Variants in STK36 observed in about 807,000 individuals in gnomAD.
STK36 encodes the protein serine/threonine kinase 36, also known as serine/threonine-protein kinase 36.
A neutral mutation model predicts 142.2 loss-of-function variants in STK36; 116 were observed. The observed-to-expected ratio is 0.82, with a 90% CI of 0.70 to 0.95. The LOEUF is 0.95. Among genes scored for constraint, STK36 ranks in the 40% least tolerant of loss-of-function variants. The pLI is 0.00. For synonymous variants in STK36, 619 were observed against 641.7 expected (o/e 0.96, Z 0.53); for missense variants, 1,422 against 1,617.2 (o/e 0.88, Z 2.07).
At chr2:218,672,342 G>A (rs966426587) in intron 1 of STK36, 127 bp downstream of exon 1, 1 of 343,076 alleles carries the variant, frequency 2.9e-6, no homozygotes, top group Admixed American at 4.4e-5. Context: ...TTGGCCTGAG[G>A]AGCTTGGAGC....
In STK36 at chr2:218,672,922, C is replaced by T. The variant is rs1940054569; in HGVS notation, c.84+9C>T. On this transcript the variant is annotated intron_variant, in intron 2 of 26. Transcript: ENST00000295709. ...GAAAATACAGTGCTCAGGTGTTGCACAAAGAGGGATACCTTTTGGGTGGGA... is the reference window on the plus strand; with the variant it reads ...GAAAATACAGTGCTCAGGTGTTGCATAAAGAGGGATACCTTTTGGGTGGGA... 6.2e-7 allele frequency: 1 copy of T among 1,613,528 alleles called. No homozygotes were observed. Among genetic ancestry groups the T allele is most frequent in the African/African-American group, 1.3e-5 (1 of 74,904 alleles).
At position 218,697,472 on chromosome 2, in the gene STK36, C is replaced by A. The variant is rs751233399; in HGVS notation, c.2771C>A (p.Ala924Asp). 6.2e-7 allele frequency: 1 copy of A among 1,614,056 alleles called. No individual in the cohort carries two copies. Among genetic ancestry groups the A allele is most frequent in the South Asian group, 1.1e-5 (1 of 91,050 alleles). ...TTTTTGGTGTTACCAGGCATGGCAGCCCTGCTGAGCCTGGCCATGGCCACC... is the reference window on the plus strand; with the variant it reads ...TTTTTGGTGTTACCAGGCATGGCAGACCTGCTGAGCCTGGCCATGGCCACC... ...WTLISPQGMA[A>D]LLSLAMATFT... Residue 924 changes from alanine (A) to aspartate (D), a missense_variant, in exon 24 of 27, where the codon GCC becomes GAC. Physicochemically the swap from Ala to Asp is moderately radical, Grantham distance 126. Around this residue, in one of 2 missense-constraint regions of STK36, gnomAD observed 962 missense variants for 1,167.5 expected, o/e 0.82. Coordinates refer to ENST00000295709, the MANE Select transcript of STK36 (RefSeq NM_015690.5).
At chr2:218,692,738 C>T in intron 16 of STK36, 28 bp downstream of exon 16, 1 of 1,598,498 alleles carries the variant, frequency 6.3e-7, no homozygotes, top group South Asian at 1.1e-5. Flanking sequence ...TTGTTCCTCT[C>T]ATCCTACTGC....
At chr2:218,693,204 G>T (rs1489697047) in intron 16 of STK36, 36 bp from the exon 17 acceptor site, 17 of 1,569,768 alleles carry the variant, frequency 1.1e-5, no homozygotes, top group Non-Finnish European at 1.4e-5. Context: ...TTGTAATCAT[G>T]TGGATAGGAT....
intron 2 of STK36, 180 bp downstream of exon 2, chr2:218,673,093 C>T (rs959405587): frequency 2.2e-5 from 12 of 546,866 alleles, no homozygotes; most frequent in Admixed American, 2.0e-4. Context: ...CCATCTCCAC[C>T]GCTTTCTAGC....
rs1941107846 is a variant in STK36 at position 218,693,780 on chromosome 2, C to T, written c.2206C>T (p.Pro736Ser). 23 of 1,614,096 alleles carry T rather than the reference C, an allele frequency of 1.4e-5. No individual in the cohort carries two copies. Among genetic ancestry groups the T allele is most frequent in the Non-Finnish European group, 1.9e-5 (23 of 1,180,042 alleles). Residue 736 changes from proline (P) to serine (S), a missense_variant, in exon 18 of 27, where the codon CCC becomes TCC. Around this residue, in one of 2 missense-constraint regions of STK36, gnomAD observed 962 missense variants for 1,167.5 expected, o/e 0.82. Coordinates refer to ENST00000295709, the MANE Select transcript of STK36 (RefSeq NM_015690.5). The stretch of plus-strand genomic sequence containing the variant: ...CCTGTGCCGTCTTCTGGGGCAGGAG[C>T]CCCTGGCCTTGGAATCCCTGTTTAT... The part of the protein sequence containing the change: ...EGLCRLLGQE[P>S]LALESLFMLI...
chr2:218,672,102 C>T lies in STK36; in HGVS notation c.-203C>T, dbSNP rs934415717. The stretch of plus-strand genomic sequence containing the variant: ...CGGGTCCTTAGCCGGGCCTGATGGC[C>T]CTGAGGCAGTTCGGATGTGTCCCAG... On this transcript the variant is annotated 5_prime_UTR_variant, in exon 1 of 27. Coordinates refer to ENST00000295709, the MANE Select transcript of STK36 (RefSeq NM_015690.5). The T allele has an allele frequency of 9.0e-7, 1 of 1,109,064 alleles. No homozygotes were observed. The highest frequency in any genetic ancestry group is 1.3e-6 in the Non-Finnish European group (1 of 749,384). 68.7% of individuals were successfully genotyped at this position (1,109,064 alleles called of 1,614,324 possible). A position where few individuals can be genotyped will look rare whatever the true frequency, so the allele number is the denominator to read the frequency against.
chr2:218,679,512 G>C (rs1397520325), intron 7 of STK36, 48 bp from the exon 8 acceptor site: 1 of 1,583,594 alleles, frequency 6.3e-7, no homozygotes, highest in Non-Finnish European at 8.6e-7. Flanking sequence ...GTGGACACAG[G>C]GACTATGGCC....
At chr2:218,683,763 T>C (rs1193475627) in intron 10 of STK36, among the ~76,000 whole-genome samples, 1 of 149,612 alleles carries the variant, frequency 6.7e-6, no homozygotes, top group Non-Finnish European at 1.5e-5. Flanking sequence ...GTCCCCAGAG[T>C]GTGATGTTCC....
intron 9 of STK36, among the ~76,000 whole-genome samples, chr2:218,680,387 A>G (rs1940462290): frequency 1.3e-5 from 2 of 152,242 alleles, no homozygotes. Flanking sequence ...GCAAAGTAGA[A>G]TAAGCTCTAA....
chr2:218,702,278 G>T lies in STK36; in HGVS notation c.*269G>T. 1 of 329,966 alleles carries T rather than the reference G, an allele frequency of 3.0e-6. No homozygotes were observed. Among genetic ancestry groups the T allele is most frequent in the Non-Finnish European group, 5.5e-6 (1 of 182,862 alleles). The allele number at this position is 329,966 out of a possible 1,614,324, so 20.4% of individuals were successfully genotyped here. ...ATCCAGGGGCCTTTTCTCCAATAAT[G>T]TGCCTTTAACTCTAGGGACCTGCCT... is the stretch of plus-strand genomic sequence containing the variant. On this transcript the variant is annotated 3_prime_UTR_variant, in exon 27 of 27. Transcript: ENST00000295709.
At chr2:218,675,034 G>T (rs763287671) in intron 4 of STK36, among the ~76,000 whole-genome samples, 1 of 152,030 alleles carries the variant, frequency 6.6e-6, no homozygotes, top group Non-Finnish European at 1.5e-5. Flanking sequence ...GTATTATTTT[G>T]CATGCTTTAA....
At chr2:218,678,576 C>G (rs1215156160) in intron 6 of STK36, among the ~76,000 whole-genome samples, 1 of 152,120 alleles carries the variant, frequency 6.6e-6, no homozygotes, top group African/African-American at 2.4e-5. Context: ...CTATTTGAGG[C>G]CCAATTGAGG....
At chr2:218,701,315 T>G (rs552848384) in intron 26 of STK36, among the ~76,000 whole-genome samples, 1 of 151,860 alleles carries the variant, frequency 6.6e-6, no homozygotes, top group Admixed American at 6.5e-5. Context: ...GTATTTTTTT[T>G]TTTTTTAGTA....
rs16859180 is a variant in STK36, at chr2:218,688,745, C to T, written c.1429C>T (p.Arg477Trp). 0.05 allele frequency: 80,063 copies of T among 1,614,006 alleles called. 2,092 individuals are homozygous for T. Among genetic ancestry groups the T allele is most frequent in the East Asian group, 0.068 (3,029 of 44,866 alleles). ...EGASHILPAF[R>W]VLSSLLSSCS... ...TGCTTCCCACATCCTGCCTGCATTC[C>T]GGGTCCTGAGCAGTCTTCTCTCCAG... Residue 477 changes from arginine (R) to tryptophan (W), a missense_variant, in exon 12 of 27, where the codon CGG becomes TGG. Coordinates refer to ENST00000295709, the MANE Select transcript of STK36 (RefSeq NM_015690.5).
At chr2:218,693,142 C>G (rs960873157) in intron 16 of STK36, 98 bp from the exon 17 acceptor site, 6 of 1,004,842 alleles carry the variant, frequency 6.0e-6, no homozygotes, top group Non-Finnish European at 9.0e-6. Flanking sequence ...GGAAGAGTGA[C>G]TAGGAAGAGA....
At position 218,673,630 on chromosome 2, in the gene STK36, G is replaced by A. The variant is rs1940090823; in HGVS notation, c.90G>A (p.Val30=). The A allele has an allele frequency of 6.2e-7, 1 of 1,613,474 alleles. No individual in the cohort carries two copies. Among genetic ancestry groups the A allele is most frequent in the Non-Finnish European group, 8.5e-7 (1 of 1,179,824 alleles). The change falls in exon 3 of 27, where the codon GTG becomes GTA. Residue 30 remains valine, a synonymous_variant. Coordinates refer to ENST00000295709, the MANE Select transcript of STK36 (RefSeq NM_015690.5). ...KGRRKYSAQV[V]ALKFIPKLGR... is the part of the protein sequence containing the mutation. ...TTTCACCTTACCACTGACAGGTCGTGGCCCTGAAGTTCATCCCAAAATTGG... is the reference window on the plus strand; with the variant it reads ...TTTCACCTTACCACTGACAGGTCGTAGCCCTGAAGTTCATCCCAAAATTGG...
intron 2 of STK36, chr2:218,673,258 C>T (rs763542982): frequency 8.3e-6 from 3 of 361,696 alleles, no homozygotes; most frequent in African/African-American, 6.2e-5. Flanking sequence ...TAGTAAACAA[C>T]AAATATTATT....
At position 218,696,562 on chromosome 2, in the gene STK36, T is replaced by C; in HGVS notation, c.2547T>C (p.Tyr849=). The C allele has an allele frequency of 2.5e-6, 4 of 1,614,206 alleles. No individual in the cohort carries two copies. The highest frequency in any genetic ancestry group is 3.4e-6 in the Non-Finnish European group (4 of 1,180,016). ...CTCCACCAGGTAGTTGTGGATTCTATGATGGCCTCCTTATCCTTCTGTTGC... is the reference window on the plus strand; with the variant it reads ...CTCCACCAGGTAGTTGTGGATTCTACGATGGCCTCCTTATCCTTCTGTTGC... ...RLTPPGSCGF[Y]DGLLILLLQL... Residue 849 remains tyrosine (Y), a synonymous_variant, in exon 22 of 27, where the codon TAT becomes TAC. Coordinates refer to ENST00000295709, the MANE Select transcript of STK36 (RefSeq NM_015690.5).
Sources: allele counts gnomAD v4.1 joint callset (sites outside exome capture counted in the v4.1 genomes callset), GRCh38; gene constraint gnomAD v4.1.1; regional missense constraint gnomAD v4.1.1; transcripts MANE v1.5; gene names NCBI Gene and HGNC (gene_info 2026-07-23, HGNC 2026-07-21).